The following ELF1 variants were observed in gnomAD, a reference collection of about 807,000 sequenced individuals.
ELF1 encodes E74 like ETS transcription factor 1.
ELF1 carries 24 observed loss-of-function variants against 59.9 expected under a neutral mutation model. The observed-to-expected ratio is 0.40, with a 90% CI of 0.29 to 0.56. The LOEUF is 0.56. Ranked by LOEUF, ELF1 falls within the 20% of genes least tolerant of loss-of-function variation. ELF1 has a pLI of 0.44. For missense variants in ELF1, 627 were observed against 742.2 expected (o/e 0.84, Z 1.80); for synonymous variants, 248 against 266.2 (o/e 0.93, Z 0.67).
chr13:40,994,761 G>T (rs994222779), intron 1 of ELF1, among the ~76,000 whole-genome samples: 15 of 152,078 alleles, frequency 9.9e-5, no homozygotes, highest in African/African-American at 3.6e-4. Flanking sequence ...ACCTGTTCAG[G>T]CAGTTAAAAA....
At chr13:40,939,728 G>A (rs1870014096) in intron 8 of ELF1, among the ~76,000 whole-genome samples, 1 of 152,182 alleles carries the variant, frequency 6.6e-6, no homozygotes, top group South Asian at 2.1e-4. Flanking sequence ...GCTCACGGGA[G>A]CATTGTGGAT....
intron 2 of ELF1, among the ~76,000 whole-genome samples, chr13:40,967,264 CTACA>C (rs1260485741): frequency 6.6e-6 from 1 of 152,222 alleles, no homozygotes; most frequent in African/African-American, 2.4e-5. Flanking sequence ...AGCAAATGCA[CTACA>C]TACACACATG....
chr13:41,042,675 A>G lies in ELF1; in HGVS notation c.-229+18163T>C, dbSNP rs557283785. Among the ~76,000 whole-genome samples, 57 of 152,252 alleles carry G rather than the reference A, an allele frequency of 3.7e-4. 1 individual carries two copies. The South Asian group carries it at 0.011, about 30-fold the overall frequency. On this transcript the variant is annotated intron_variant, in intron 1 of 1. Transcript: ENST00000405737. ...ATGGCTGCATAGTATTCCATGGTGT[A>G]TATGTGCCACATTTTCTTAATCCAG...
Position 40,951,450 on chromosome 13 carries a change from A to G in ELF1, c.254-14T>C, listed in dbSNP as rs3736953. The G allele has an allele frequency of 0.63, 1,022,076 of 1,609,814 alleles. 338,320 individuals are homozygous for G. Among genetic ancestry groups the G allele is most frequent in the Non-Finnish European group, 0.68 (798,172 of 1,177,022 alleles). Reference sequence around the variant, plus strand: ...AAGAAGCTTCAACTGCAACACATTTAAAGAGAAAATTAAATTAACTACGAG... The same window carrying G: ...AAGAAGCTTCAACTGCAACACATTTGAAGAGAAAATTAAATTAACTACGAG... On this transcript the variant is annotated splice_polypyrimidine_tract_variant and intron_variant, in intron 3 of 8. Coordinates refer to ENST00000239882, the MANE Select transcript of ELF1 (RefSeq NM_172373.4).
chr13:40,948,637 A>C (rs1870652262), intron 5 of ELF1, among the ~76,000 whole-genome samples: 1 of 152,256 alleles, frequency 6.6e-6, no homozygotes, highest in Non-Finnish European at 1.5e-5. Flanking sequence ...CTAAGCAAGC[A>C]TGAGTAGAAT....
chr13:40,943,971 G>C lies in ELF1; in HGVS notation c.530-46C>G, dbSNP rs772653857. ...CATAAATATTTGCCTTCAAAAGTGA[G>C]AGAAAATGGACAATTCAGCTATTTT... is the stretch of plus-strand genomic sequence containing the variant. On this transcript the variant is annotated intron_variant, in intron 5 of 8. Coordinates refer to ENST00000239882, the MANE Select transcript of ELF1 (RefSeq NM_172373.4). 1.0e-5 allele frequency: 16 copies of C among 1,567,018 alleles called. No homozygotes were observed. In the South Asian group the frequency reaches 1.4e-4, roughly 13 times the overall value.
At chr13:41,032,952 G>A (rs899845217) in intron 1 of ELF1, among the ~76,000 whole-genome samples, 4 of 151,894 alleles carry the variant, frequency 2.6e-5, no homozygotes, top group African/African-American at 7.3e-5. Context: ...AATGTCCTAC[G>A]GACTGATGAC....
chr13:41,056,808 T>C (rs1446978360), intron 1 of ELF1, among the ~76,000 whole-genome samples: 4 of 152,070 alleles, frequency 2.6e-5, no homozygotes, highest in Non-Finnish European at 5.9e-5. Context: ...AGAGGAAGTC[T>C]CAAGCTAAAG....
At chr13:41,031,156 T>TAA (rs1271837870) in intron 1 of ELF1, among the ~76,000 whole-genome samples, 38 of 123,462 alleles carry the variant, frequency 3.1e-4, no homozygotes, top group African/African-American at 1.1e-3. Flanking sequence ...GAGACCCTAT[T>TAA]AAAAAAAAAA....
intron 1 of ELF1, among the ~76,000 whole-genome samples, chr13:41,028,461 C>G (rs1876032617): frequency 6.6e-6 from 1 of 152,156 alleles, no homozygotes; most frequent in South Asian, 2.1e-4. Context: ...AATAAAGAAC[C>G]ACGACCAGCT....
chr13:41,029,616 A>C (rs983371231), intron 1 of ELF1, among the ~76,000 whole-genome samples: 12 of 152,042 alleles, frequency 7.9e-5, no homozygotes, highest in Non-Finnish European at 1.5e-4. Context: ...TCCTGGGCTC[A>C]AGTGATCCAC....
intron 8 of ELF1, among the ~76,000 whole-genome samples, chr13:40,938,770 G>C (rs947997295): frequency 6.6e-6 from 1 of 151,120 alleles, no homozygotes; most frequent in South Asian, 2.1e-4. Context: ...CAACCACAGG[G>C]AAAAAAGTTA....
At chr13:40,951,617 A>C in intron 3 of ELF1, 181 bp from the exon 4 acceptor site, 1 of 399,290 alleles carries the variant, frequency 2.5e-6, no homozygotes, top group Non-Finnish European at 4.3e-6. Flanking sequence ...CATTCCTGTA[A>C]TCCCGCACTT....
chr13:41,043,005 G>A (rs1593409830), intron 1 of ELF1, among the ~76,000 whole-genome samples: 2 of 152,196 alleles, frequency 1.3e-5, no homozygotes, highest in African/African-American at 2.4e-5. Context: ...TCTAACTGGT[G>A]TAAGATGGTA....
chr13:40,983,007 T>C (rs965052129), intron 1 of ELF1: 5 of 298,390 alleles, frequency 1.7e-5, no homozygotes, highest in South Asian at 1.3e-4. Flanking sequence ...TTTACAATAG[T>C]AGAAAAACAG....
intron 1 of ELF1, among the ~76,000 whole-genome samples, chr13:41,039,347 A>C (rs1190880476): frequency 2.6e-5 from 4 of 151,854 alleles, no homozygotes; most frequent in African/African-American, 4.8e-5. Flanking sequence ...AAAAAAAAAA[A>C]AAAAAAAAAA....
At chr13:40,950,322 T>C (rs1175791110) in intron 4 of ELF1, among the ~76,000 whole-genome samples, 3 of 152,092 alleles carry the variant, frequency 2.0e-5, no homozygotes, top group Admixed American at 1.3e-4. Context: ...CCATAGTTCA[T>C]AGGAAAAACA....
chr13:41,003,798 T>G (rs1271776015), intron 1 of ELF1, among the ~76,000 whole-genome samples: 2 of 152,192 alleles, frequency 1.3e-5, no homozygotes, highest in East Asian at 3.8e-4. Flanking sequence ...TTCAGCTACA[T>G]TTTTTAATGG....
intron 1 of ELF1, among the ~76,000 whole-genome samples, chr13:41,060,326 T>G (rs967139544): frequency 6.6e-6 from 1 of 152,142 alleles, no homozygotes; most frequent in South Asian, 2.1e-4. Flanking sequence ...CAGCCCGTCC[T>G]GCATAGGAAG....
Sources: gnomAD v4.1 joint callset for allele counts (sites outside exome capture counted in the v4.1 genomes callset) on GRCh38, gnomAD v4.1.1 for gene constraint, MANE v1.5 for transcripts, NCBI Gene and HGNC (gene_info 2026-07-23, HGNC 2026-07-21) for gene names.